PKN2: variants seen among roughly 807,000 people sequenced by gnomAD.
The protein encoded by PKN2 is protein kinase N2, also known as serine/threonine-protein kinase N2.
PKN2 carries 38 observed loss-of-function variants against 119.1 expected under a neutral mutation model. The observed-to-expected ratio is 0.32, with a 90% CI of 0.25 to 0.42. The LOEUF is 0.42. Ranked by LOEUF, PKN2 falls within the 10% of genes least tolerant of loss-of-function variation. PKN2 has a pLI of 1.00. For missense variants in PKN2, 850 were observed against 1,165.1 expected (o/e 0.73, Z 3.94); for synonymous variants, 390 against 384.9 (o/e 1.01, Z -0.15).
chr1:88,708,245 C>T (rs1190193298), intron 1 of PKN2, among the ~76,000 whole-genome samples: 2 of 151,896 alleles, frequency 1.3e-5, no homozygotes, highest in African/African-American at 4.8e-5. Flanking sequence ...ATTGTGTGAA[C>T]AGAAATAAGG....
rs184492419 is a variant in PKN2 at position 88,768,396 on chromosome 1, A to T, written c.505-1956A>T. 5.7e-4 allele frequency among the ~76,000 whole-genome samples: 87 copies of T among 152,268 alleles called. No homozygotes were observed. In the East Asian group the frequency reaches 0.017, roughly 29 times the overall value. On this transcript the variant is annotated intron_variant, in intron 3 of 21. Coordinates refer to ENST00000370521, the MANE Select transcript of PKN2 (RefSeq NM_006256.4). ...TTTTTCCAGCTGCTGGAGGCTACTC[A>T]CACTTCTTGGCTCCTGACTCTCTTC...
intron 16 of PKN2, among the ~76,000 whole-genome samples, chr1:88,819,172 T>A (rs1672141172): frequency 1.3e-5 from 2 of 152,056 alleles, no homozygotes; most frequent in South Asian, 4.2e-4. Flanking sequence ...AAGCCAAAAT[T>A]AACAAATGGG....
intron 1 of PKN2, among the ~76,000 whole-genome samples, chr1:88,706,037 G>A (rs535801536): frequency 4.6e-5 from 5 of 109,548 alleles, no homozygotes; most frequent in South Asian, 4.0e-4. Flanking sequence ...AAGTCTATAC[G>A]GATTTTTGAA....
At position 88,771,455 on chromosome 1, in the gene PKN2, G is replaced by A. The variant is rs1329787510; in HGVS notation, c.657G>A (p.Met219Ile). The A allele has an allele frequency of 1.2e-6, 2 of 1,605,632 alleles. No individual in the cohort carries two copies. Among genetic ancestry groups the A allele is most frequent in the Non-Finnish European group, 8.5e-7 (1 of 1,177,070 alleles). ...TGATAAGTCCTCTTGAACTTCGGAT[G>A]GAAGAATTAAGGCATCATTTTAGGA... ...KPVISPLELR[M>I]EELRHHFRIE... Residue 219 changes from methionine to isoleucine, a missense_variant, in exon 5 of 22, where the codon ATG (methionine) becomes ATA (isoleucine). By Grantham distance (10) the Met-to-Ile change is conservative. Coordinates refer to ENST00000370521, the MANE Select transcript of PKN2 (RefSeq NM_006256.4).
intron 16 of PKN2, among the ~76,000 whole-genome samples, chr1:88,816,192 T>C (rs1349837107): frequency 5.3e-5 from 8 of 152,142 alleles, no homozygotes; most frequent in Admixed American, 5.2e-4. Context: ...CAGTATTGTT[T>C]TGCCACAAAA....
chr1:88,739,282 G>T (rs1247924674), intron 1 of PKN2, among the ~76,000 whole-genome samples: 4 of 148,222 alleles, frequency 2.7e-5, no homozygotes, highest in African/African-American at 1.0e-4. Flanking sequence ...GATCAGCCTG[G>T]ACAACATGGC....
chr1:88,780,711 A>T (rs2100820932), intron 6 of PKN2, among the ~76,000 whole-genome samples: 1 of 150,666 alleles, frequency 6.6e-6, no homozygotes, highest in South Asian at 2.1e-4. Context: ...ACTATACTGC[A>T]GGCAAGGACT....
At chr1:88,794,928 TCTCTA>T (rs1419619313) in intron 8 of PKN2, among the ~76,000 whole-genome samples, 1 of 152,208 alleles carries the variant, frequency 6.6e-6, no homozygotes, top group African/African-American at 2.4e-5. Context: ...CTATTCTGCT[TCTCTA>T]CTCTATATCC....
intron 8 of PKN2, among the ~76,000 whole-genome samples, chr1:88,793,059 C>T (rs1227061780): frequency 6.6e-6 from 1 of 152,126 alleles, no homozygotes; most frequent in Non-Finnish European, 1.5e-5. Context: ...GACACTTGAG[C>T]TCACCATAAG....
chr1:88,696,822 T>C (rs1029755287), intron 1 of PKN2, among the ~76,000 whole-genome samples: 5 of 152,176 alleles, frequency 3.3e-5, no homozygotes, highest in Non-Finnish European at 5.9e-5. Context: ...AAAATATATT[T>C]ATACTTTTCA....
intron 6 of PKN2, among the ~76,000 whole-genome samples, chr1:88,777,841 A>T (rs1451163370): frequency 6.6e-6 from 1 of 152,172 alleles, no homozygotes; most frequent in African/African-American, 2.4e-5. Flanking sequence ...AGAGACCTTA[A>T]GACTGACTGA....
intron 1 of PKN2, among the ~76,000 whole-genome samples, chr1:88,727,501 A>G (rs1667948856): frequency 6.6e-6 from 1 of 152,110 alleles, no homozygotes; most frequent in South Asian, 2.1e-4. Flanking sequence ...CCACTGTACC[A>G]ACCTGTGTTT....
chr1:88,685,967 A>G (rs928672846), intron 1 of PKN2, among the ~76,000 whole-genome samples: 2 of 152,220 alleles, frequency 1.3e-5, no homozygotes, highest in East Asian at 3.8e-4. Flanking sequence ...TTAACAATGT[A>G]TATCAATGCA....
intron 6 of PKN2, among the ~76,000 whole-genome samples, chr1:88,781,935 A>T (rs977871966): frequency 7.9e-5 from 12 of 152,136 alleles, no homozygotes; most frequent in African/African-American, 2.9e-4. Flanking sequence ...CAGTCTAGCA[A>T]AACATTATTG....
At chr1:88,738,493 A>G (rs1668444649) in intron 1 of PKN2, among the ~76,000 whole-genome samples, 1 of 152,374 alleles carries the variant, frequency 6.6e-6, no homozygotes, top group East Asian at 1.9e-4. Flanking sequence ...TGGCTGAGCC[A>G]AGAGAGATGA....
chr1:88,715,335 A>G (rs1202277308), intron 1 of PKN2, among the ~76,000 whole-genome samples: 1 of 152,202 alleles, frequency 6.6e-6, no homozygotes, highest in Non-Finnish European at 1.5e-5. Flanking sequence ...TAGTTTCAGA[A>G]GGAATGGTAC....
At chr1:88,819,454 C>CTACA (rs1296631103) in intron 16 of PKN2, among the ~76,000 whole-genome samples, 2 of 152,134 alleles carry the variant, frequency 1.3e-5, no homozygotes, top group African/African-American at 4.8e-5. Flanking sequence ...CAAATCAAAA[C>CTACA]TACAATGAGA....
rs902526312 is a variant in PKN2, at chr1:88,684,357, G to A, written c.-224G>A. The A allele has an allele frequency of 1.0e-5, 5 of 480,520 alleles. No homozygotes were observed. The Admixed American group carries it at 2.1e-4, about 20-fold the overall frequency. 29.8% of individuals were successfully genotyped at this position (480,520 alleles called of 1,614,324 possible). ...CGACTAGACGAACAGTCCGGTGAGGGCGGCGAGAGGAAGCCCGCTACGAGT... is the reference window on the plus strand; with the variant it reads ...CGACTAGACGAACAGTCCGGTGAGGACGGCGAGAGGAAGCCCGCTACGAGT... On this transcript the variant is annotated 5_prime_UTR_variant, in exon 1 of 22. Transcript: ENST00000370521.
At chr1:88,798,598 G>A (rs1671185506) in intron 8 of PKN2, among the ~76,000 whole-genome samples, 1 of 152,136 alleles carries the variant, frequency 6.6e-6, no homozygotes, top group Non-Finnish European at 1.5e-5. Context: ...TGGCCTGAAA[G>A]TGCTAAAGAA....
Sources: gnomAD v4.1 joint callset for allele counts (sites outside exome capture counted in the v4.1 genomes callset) on GRCh38, gnomAD v4.1.1 for gene constraint, MANE v1.5 for transcripts, NCBI Gene and HGNC (gene_info 2026-07-23, HGNC 2026-07-21) for gene names.